The following XKR9 variants were observed in gnomAD, a reference collection of about 807,000 sequenced individuals.
The protein encoded by XKR9 is XK-related protein 9.
In XKR9, 32 loss-of-function variants were observed where a neutral mutation model predicts 32.0. That is an observed-to-expected ratio of 1.00 (90% CI 0.76 to 1.34). XKR9 has a LOEUF of 1.34. XKR9 is among the 40% of genes most tolerant of loss of function. The pLI, the probability that XKR9 is intolerant of heterozygous loss-of-function variation, is 0.00. For synonymous variants in XKR9, 168 were observed against 143.4 expected (o/e 1.17, Z -1.22); for missense variants, 546 against 429.7 (o/e 1.27, Z -2.39).
intron 2 of XKR9, among the ~76,000 whole-genome samples, chr8:70,776,947 C>CTCTCTCTCTCTATATATATATATATATA: frequency 4.4e-4 from 24 of 54,196 alleles, no homozygotes; most frequent in African/African-American, 6.3e-4. Context: ...CTCTCTCTCT[C>CTCTCTCTCTCTATATATATATATATATA]TATATATATA....
At chr8:70,741,740 A>G (rs1353044162) in intron 2 of XKR9, among the ~76,000 whole-genome samples, 2 of 152,200 alleles carry the variant, frequency 1.3e-5, no homozygotes, top group Admixed American at 1.3e-4. Context: ...CTTCTTTGAG[A>G]TTCTGCTTTC....
chr8:70,940,251 G>T, the XKR9 span, among the ~76,000 whole-genome samples: 9 of 152,114 alleles, frequency 5.9e-5, no homozygotes, highest in South Asian at 1.9e-3. Flanking sequence ...TTCCATGTAT[G>T]TTGCCACCGA....
the XKR9 span, among the ~76,000 whole-genome samples, chr8:71,004,103 C>T: frequency 1.3e-5 from 2 of 152,280 alleles, no homozygotes; most frequent in East Asian, 3.9e-4. Context: ...GAAAGTCAGG[C>T]TGATAATGTT....
chr8:70,993,600 A>T, the XKR9 span, among the ~76,000 whole-genome samples: 5,557 of 79,230 alleles, frequency 0.07, 311 homozygotes, highest in Non-Finnish European at 0.093. Flanking sequence ...TTCATAGGAC[A>T]TCTTCCTTCC....
chr8:70,737,178 C>T (rs1422622053), downstream of XKR9, among the ~76,000 whole-genome samples: 1 of 146,246 alleles, frequency 6.8e-6, no homozygotes, highest in African/African-American at 2.5e-5. Flanking sequence ...TGAAGAGGTC[C>T]TTCACATCCC....
chr8:70,792,336 A>G (rs1016423504), downstream of XKR9, among the ~76,000 whole-genome samples: 8 of 152,080 alleles, frequency 5.3e-5, no homozygotes, highest in Non-Finnish European at 1.2e-4. Context: ...TAGAGCAGGG[A>G]TAAGTACCAA....
chr8:70,742,783 T>G (rs1254878868), intron 2 of XKR9, among the ~76,000 whole-genome samples: 1 of 152,166 alleles, frequency 6.6e-6, no homozygotes, highest in East Asian at 1.9e-4. Flanking sequence ...TACATCATTA[T>G]TCCCCTGTGT....
At chr8:71,050,983 G>A in the XKR9 span, among the ~76,000 whole-genome samples, 5 of 151,608 alleles carry the variant, frequency 3.3e-5, no homozygotes, top group Non-Finnish European at 7.4e-5. Flanking sequence ...TGATAGGGAA[G>A]AACTTAACAT....
the XKR9 span, among the ~76,000 whole-genome samples, chr8:70,965,190 A>G: frequency 9.6e-3 from 1,461 of 152,296 alleles, 23 homozygotes; most frequent in African/African-American, 0.033. Flanking sequence ...CCTTTTCTGC[A>G]TCTATTGAGA....
the XKR9 span, among the ~76,000 whole-genome samples, chr8:71,044,049 A>G: frequency 1.3e-5 from 2 of 152,220 alleles, no homozygotes; most frequent in Non-Finnish European, 2.9e-5. Flanking sequence ...GGAAGGATTC[A>G]TTAAAATTCA....
the XKR9 span, among the ~76,000 whole-genome samples, chr8:70,878,069 A>G: frequency 6.6e-6 from 1 of 152,226 alleles, no homozygotes; most frequent in Non-Finnish European, 1.5e-5. Context: ...TAAGCTTCAT[A>G]AGTGCAGGAG....
At chr8:71,018,884 G>A in the XKR9 span, among the ~76,000 whole-genome samples, 5 of 152,206 alleles carry the variant, frequency 3.3e-5, no homozygotes, top group Admixed American at 6.5e-5. Flanking sequence ...GTTTCAGATC[G>A]TGTTTTCCAG....
chr8:70,776,923 T>TTC (rs369388439), intron 2 of XKR9, among the ~76,000 whole-genome samples: 758 of 59,630 alleles, frequency 0.013, 27 homozygotes, highest in Non-Finnish European at 0.016. Context: ...TTCTCTTTCT[T>TTC]TCTCTCTCTC....
At chr8:70,685,765 A>G (rs1233873985) in intron 3 of XKR9, among the ~76,000 whole-genome samples, 1 of 145,134 alleles carries the variant, frequency 6.9e-6, no homozygotes, top group Non-Finnish European at 1.5e-5. Context: ...GGATAGCATT[A>G]GGAGATATAC....
the XKR9 span, among the ~76,000 whole-genome samples, chr8:70,880,022 G>A: frequency 6.6e-6 from 1 of 151,814 alleles, no homozygotes; most frequent in East Asian, 1.9e-4. Flanking sequence ...CAATGACAAA[G>A]CCACACAATT....
chr8:70,750,286 T>C (rs1807120534), intron 2 of XKR9, among the ~76,000 whole-genome samples: 1 of 152,198 alleles, frequency 6.6e-6, no homozygotes, highest in Admixed American at 6.5e-5. Context: ...GGGTTTCTAT[T>C]AGCAGCAGAA....
At chr8:70,773,895 C>T (rs1438735799) in intron 2 of XKR9, among the ~76,000 whole-genome samples, 1 of 152,156 alleles carries the variant, frequency 6.6e-6, no homozygotes, top group Non-Finnish European at 1.5e-5. Context: ...ATAGGGTCAT[C>T]TTCATGTAGA....
At position 70,735,488 on chromosome 8, in the gene XKR9, G is replaced by C. The variant is rs1806835467; in HGVS notation, c.*1064G>C. On this transcript the variant is annotated 3_prime_UTR_variant, in exon 5 of 5. Coordinates refer to ENST00000408926, the MANE Select transcript of XKR9 (RefSeq NM_001011720.2). ...TATTATTATTATTATTATACTTTAA[G>C]GTTTAGGGTACATGTGCACAATGTG... is the stretch of plus-strand genomic sequence containing the variant. The C allele has an allele frequency of 6.7e-6, 1 of 150,240 alleles. No homozygotes were observed. Among genetic ancestry groups the C allele is most frequent in the Non-Finnish European group, 1.5e-5 (1 of 67,604 alleles). The allele number at this position is 150,240 out of a possible 1,614,324, so 9.3% of individuals were successfully genotyped here.
intron 2 of XKR9, among the ~76,000 whole-genome samples, chr8:70,787,380 C>T (rs893957152): frequency 6.6e-6 from 1 of 152,044 alleles, no homozygotes; most frequent in Non-Finnish European, 1.5e-5. Flanking sequence ...GTGGGTGACT[C>T]AGTTAAGAAT....
Sources: gnomAD v4.1 joint callset for allele counts (sites outside exome capture counted in the v4.1 genomes callset) on GRCh38, gnomAD v4.1.1 for gene constraint, MANE v1.5 for transcripts, NCBI Gene and HGNC (gene_info 2026-07-23, HGNC 2026-07-21) for gene names.